The following RORA variants were observed in gnomAD, a reference collection of about 807,000 sequenced individuals.
RORA encodes the protein nuclear receptor ROR-alpha.
In RORA, 7 loss-of-function variants were observed where a neutral mutation model predicts 69.5. The ratio of observed to expected loss-of-function variants is 0.10; its 90% CI spans 0.06 to 0.19. The LOEUF is 0.19. Among genes scored for constraint, RORA ranks in the 10% least tolerant of loss-of-function variants. The probability of loss-of-function intolerance (pLI) is 1.00; values close to 1 mark genes in which losing one functional copy is unlikely to be tolerated. For synonymous variants in RORA, 261 were observed against 240.8 expected, an observed-to-expected ratio of 1.08 and a Z score of -0.78; for missense variants, 457 against 663.0, an observed-to-expected ratio of 0.69 and a Z score of 3.41.
At chr15:61,120,891 A>C (rs998202818) in intron 1 of RORA, among the ~76,000 whole-genome samples, 9 of 151,502 alleles carry the variant, frequency 5.9e-5, no homozygotes, top group African/African-American at 1.7e-4. Context: ...TTTGTCTCCC[A>C]GGATGGAGTG....
At chr15:60,762,031 C>T (rs953597446) in intron 1 of RORA, among the ~76,000 whole-genome samples, 3 of 152,084 alleles carry the variant, frequency 2.0e-5, no homozygotes, top group Admixed American at 6.5e-5. Context: ...CTTTAAAAAC[C>T]CAGGTGTCTA....
At chr15:60,864,588 T>G (rs961142302) in intron 1 of RORA, among the ~76,000 whole-genome samples, 1 of 152,082 alleles carries the variant, frequency 6.6e-6, no homozygotes, top group African/African-American at 2.4e-5. Flanking sequence ...TGAAAATGGA[T>G]GTTTGGCTAG....
At chr15:61,145,420 G>T (rs2079337535) in intron 1 of RORA, among the ~76,000 whole-genome samples, 1 of 152,222 alleles carries the variant, frequency 6.6e-6, no homozygotes, top group Non-Finnish European at 1.5e-5. Flanking sequence ...GAATGTGGGG[G>T]AGTCCAGGCT....
chr15:60,802,790 T>G (rs1001507721), intron 1 of RORA, among the ~76,000 whole-genome samples: 4 of 152,322 alleles, frequency 2.6e-5, no homozygotes, highest in African/African-American at 9.6e-5. Flanking sequence ...CAATTAAGGT[T>G]TTCATTTACT....
intron 1 of RORA, among the ~76,000 whole-genome samples, chr15:60,699,226 T>C (rs1431509582): frequency 6.6e-6 from 1 of 152,184 alleles, no homozygotes; most frequent in Non-Finnish European, 1.5e-5. Flanking sequence ...TTTCCTTGCA[T>C]GCCTATAAGG....
At chr15:60,818,063 GGAGA>G (rs1407612403) in intron 1 of RORA, among the ~76,000 whole-genome samples, 2 of 152,134 alleles carry the variant, frequency 1.3e-5, no homozygotes, top group Non-Finnish European at 2.9e-5. Flanking sequence ...TTCTTTGAAA[GGAGA>G]GAGAGAAATA....
In RORA at chr15:60,495,246, A is replaced by G. The variant is rs2065138410; in HGVS notation, c.*2209T>C. ...AGAGTATAAATACTACTGATCTTTA[A>G]AGGAACTATGCTTACTTAAATTAAA... is the stretch of plus-strand genomic sequence containing the variant. On this transcript the variant is annotated 3_prime_UTR_variant, in exon 11 of 11. Transcript: ENST00000335670. The G allele has an allele frequency of 1.3e-5, 2 of 152,206 alleles. No individual in the cohort carries two copies. The highest frequency in any genetic ancestry group is 2.9e-5 in the Non-Finnish European group (2 of 68,042). The allele number at this position is 152,206 out of a possible 1,614,324, so 9.4% of individuals were successfully genotyped here. A position where few individuals can be genotyped will look rare whatever the true frequency, so the allele number is the denominator to read the frequency against.
intron 2 of RORA, among the ~76,000 whole-genome samples, chr15:60,550,069 G>A (rs1244196474): frequency 6.6e-6 from 1 of 152,226 alleles, no homozygotes; most frequent in Admixed American, 6.5e-5. Flanking sequence ...GTGGTAGGTG[G>A]ATCATGAGGT....
intron 1 of RORA, among the ~76,000 whole-genome samples, chr15:61,068,591 A>G (rs1385077168): frequency 2.0e-5 from 3 of 152,210 alleles, no homozygotes; most frequent in African/African-American, 4.8e-5. Flanking sequence ...AAATGTATAC[A>G]AGCAAAGCAG....
intron 1 of RORA, among the ~76,000 whole-genome samples, chr15:60,727,677 T>C (rs1212576813): frequency 6.6e-6 from 1 of 151,014 alleles, no homozygotes; most frequent in Non-Finnish European, 1.5e-5. Flanking sequence ...TTTGGGACTT[T>C]AAAAAAAAAT....
intron 1 of RORA, among the ~76,000 whole-genome samples, chr15:60,981,201 T>G (rs1894035799): frequency 6.6e-6 from 1 of 152,066 alleles, no homozygotes; most frequent in Non-Finnish European, 1.5e-5. Flanking sequence ...TTCTTCTATA[T>G]AATAAGTTGC....
At chr15:60,970,002 G>A (rs1344457732) in intron 1 of RORA, among the ~76,000 whole-genome samples, 9 of 152,160 alleles carry the variant, frequency 5.9e-5, no homozygotes, top group South Asian at 2.1e-4. Flanking sequence ...TCTTGCACGC[G>A]CACTCTCTTT....
At chr15:61,164,318 A>T (rs2079523198) in intron 1 of RORA, among the ~76,000 whole-genome samples, 1 of 152,184 alleles carries the variant, frequency 6.6e-6, no homozygotes, top group African/African-American at 2.4e-5. Context: ...GAAAATTTTC[A>T]TATGTGGTAA....
rs138371554 is a variant in RORA, at chr15:60,679,918, TTTTGTTTG to T, written c.167-1240_167-1233del. Among the ~76,000 whole-genome samples, 135 of 151,418 alleles carry T rather than the reference TTTTGTTTG, an allele frequency of 8.9e-4. 1 individual carries two copies. Among genetic ancestry groups the T allele is most frequent in the Admixed American group, 1.7e-3 (26 of 15,196 alleles). On this transcript the variant is annotated intron_variant, in intron 1 of 10. Coordinates refer to ENST00000335670, the MANE Select transcript of RORA (RefSeq NM_134261.3). ...CAACTTTTATTGAGGAAAACTATTG[TTTTGTTTG>T]TTTGTTTGTTTGTTTGTTTGTTTTA...
chr15:60,561,888 T>C (rs1008312221), intron 2 of RORA, among the ~76,000 whole-genome samples: 8 of 152,114 alleles, frequency 5.3e-5, no homozygotes, highest in African/African-American at 1.9e-4. Flanking sequence ...ATCTTCATGT[T>C]ACTGGAATCT....
chr15:60,759,974 A>C (rs1225750737), intron 1 of RORA, among the ~76,000 whole-genome samples: 1 of 152,112 alleles, frequency 6.6e-6, no homozygotes, highest in Non-Finnish European at 1.5e-5. Flanking sequence ...CAGTCATTCA[A>C]CTCAGTATTT....
intron 1 of RORA, among the ~76,000 whole-genome samples, chr15:60,926,669 G>A (rs937823108): frequency 1.3e-5 from 2 of 152,142 alleles, no homozygotes; most frequent in African/African-American, 4.8e-5. Context: ...CCTTAGTCTC[G>A]TTTATAAGAG....
chr15:60,944,426 G>A (rs1210070847), intron 1 of RORA, among the ~76,000 whole-genome samples: 1 of 152,034 alleles, frequency 6.6e-6, no homozygotes, highest in Non-Finnish European at 1.5e-5. Context: ...TATACAATAA[G>A]CAGCACGGAG....
At chr15:60,553,366 A>G (rs1028454011) in intron 2 of RORA, among the ~76,000 whole-genome samples, 26 of 152,166 alleles carry the variant, frequency 1.7e-4, no homozygotes, top group African/African-American at 6.3e-4. Context: ...ACATGTGCCA[A>G]GGGTGTGGAG....
Sources: gnomAD v4.1 joint callset for allele counts (sites outside exome capture counted in the v4.1 genomes callset) on GRCh38, gnomAD v4.1.1 for gene constraint, MANE v1.5 for transcripts, NCBI Gene and HGNC (gene_info 2026-07-23, HGNC 2026-07-21) for gene names.